FRS2: variants seen among roughly 807,000 people sequenced by gnomAD.
FRS2 encodes the protein fibroblast growth factor receptor substrate 2.
Under a neutral mutation model 43.9 loss-of-function variants are expected in FRS2, and 8 were observed. That is an observed-to-expected ratio of 0.18 (90% CI 0.11 to 0.33). The LOEUF is 0.33. FRS2 is among the 10% of genes least tolerant of loss of function. FRS2 has a pLI of 1.00. For missense variants in FRS2, 534 were observed against 627.6 expected (o/e 0.85, Z 1.59); for synonymous variants, 219 against 220.3 (o/e 0.99, Z 0.05).
intron 3 of FRS2, among the ~76,000 whole-genome samples, chr12:69,539,098 A>T (rs574858510): frequency 1.3e-5 from 2 of 152,250 alleles, no homozygotes; most frequent in East Asian, 3.9e-4. Context: ...GTTTTGAGAC[A>T]GAGTCTCACT....
At chr12:69,495,062 C>T (rs971999525) in intron 1 of FRS2, among the ~76,000 whole-genome samples, 5 of 152,168 alleles carry the variant, frequency 3.3e-5, no homozygotes, top group Non-Finnish European at 5.9e-5. Flanking sequence ...TGAACCACCT[C>T]GCCTGGCCGC....
At position 69,570,412 on chromosome 12, in the gene FRS2, C is replaced by T. The variant is rs746564330; in HGVS notation, c.148C>T (p.Arg50Cys). The change falls in exon 6 of 9, where the codon CGC becomes TGC. Residue 50 changes from arginine to cysteine, a missense_variant. By Grantham distance (180) the Arg-to-Cys change is radical (BLOSUM62 -3). This residue lies in a region of FRS2 where 76 missense variants were observed against 90.5 expected (regional missense o/e 0.84). Coordinates refer to ENST00000549921, the MANE Select transcript of FRS2 (RefSeq NM_001278356.2). ...AGACACAGAACTGATTTTATACACC[C>T]GCAAACGTGACTCAGTAAAATGGCA... Reference protein sequence around the residue: ...LTDTELILYTRKRDSVKWHYL... With the variant: ...LTDTELILYTCKRDSVKWHYL... The T allele has an allele frequency of 3.2e-5, 52 of 1,612,288 alleles. No individual in the cohort carries two copies. Among genetic ancestry groups the T allele is most frequent in the East Asian group, 1.3e-4 (6 of 44,884 alleles).
chr12:69,569,368 C>A (rs1035223254), intron 5 of FRS2, among the ~76,000 whole-genome samples: 3 of 152,104 alleles, frequency 2.0e-5, no homozygotes, highest in African/African-American at 7.2e-5. Context: ...CCTTTTCAAT[C>A]TCATCACTAT....
In FRS2 at chr12:69,511,182, T is replaced by C. The variant is rs10879000; in HGVS notation, c.-260-19683T>C. Among the ~76,000 whole-genome samples, 5,370 of 152,250 alleles carry C rather than the reference T, an allele frequency of 0.035. 446 individuals are homozygous for C. In the East Asian group the frequency reaches 0.38, roughly 11 times the overall value. On this transcript the variant is annotated intron_variant, in intron 1 of 8. Coordinates refer to ENST00000549921, the MANE Select transcript of FRS2 (RefSeq NM_001278356.2). ...TATTTGGCATCATTTGTCTTCTCAT[T>C]TGAGAACCTGCAGGATTTAATTCTC...
chr12:69,479,390 C>CTTTTTTTTTTTTTTT (rs57688271), intron 1 of FRS2, among the ~76,000 whole-genome samples: 7 of 119,658 alleles, frequency 5.9e-5, no homozygotes, highest in Non-Finnish European at 1.0e-4. Flanking sequence ...TCTGTTGTTT[C>CTTTTTTTTTTTTTTT]TTTTTTTTTT....
In FRS2 at chr12:69,576,120, C is replaced by G. The variant is rs185917958; in HGVS notation, c.*1165C>G. ...AAAAAAGGAAGCTACTTTTAACATG[C>G]AAAGTTCCCTCAAGGTGTACCGTGT... is the stretch of plus-strand genomic sequence containing the variant. On this transcript the variant is annotated 3_prime_UTR_variant, in exon 9 of 9. Coordinates refer to ENST00000549921, the MANE Select transcript of FRS2 (RefSeq NM_001278356.2). The G allele has an allele frequency of 1.3e-5, 2 of 152,612 alleles. No homozygotes were observed. Among genetic ancestry groups the G allele is most frequent in the East Asian group, 3.9e-4 (2 of 5,182 alleles). 9.5% of individuals were successfully genotyped at this position (152,612 alleles called of 1,614,324 possible).
At chr12:69,522,691 G>C (rs1356670878) in intron 1 of FRS2, among the ~76,000 whole-genome samples, 1 of 152,050 alleles carries the variant, frequency 6.6e-6, no homozygotes, top group Admixed American at 6.6e-5. Context: ...ATTTTAGGTT[G>C]TTTATTTAAG....
At chr12:69,532,778 T>A (rs1458075766) in intron 3 of FRS2, among the ~76,000 whole-genome samples, 1 of 152,212 alleles carries the variant, frequency 6.6e-6, no homozygotes, top group East Asian at 1.9e-4. Flanking sequence ...ATATCAGCAC[T>A]TAAGTATTTA....
intron 1 of FRS2, among the ~76,000 whole-genome samples, chr12:69,478,836 G>C (rs935409444): frequency 1.3e-5 from 2 of 151,602 alleles, no homozygotes; most frequent in African/African-American, 4.9e-5. Context: ...CACCTTTGAT[G>C]GCCGTTCATG....
intron 3 of FRS2, among the ~76,000 whole-genome samples, chr12:69,554,600 T>A (rs973129641): frequency 1.1e-4 from 16 of 152,248 alleles, no homozygotes; most frequent in African/African-American, 3.4e-4. Context: ...AAATTAATAC[T>A]AGTACAATAC....
chr12:69,552,990 T>C (rs1879030979), intron 3 of FRS2, among the ~76,000 whole-genome samples: 1 of 152,190 alleles, frequency 6.6e-6, no homozygotes, highest in African/African-American at 2.4e-5. Flanking sequence ...GAGTGACCCA[T>C]AAACAAATAA....
intron 3 of FRS2, among the ~76,000 whole-genome samples, chr12:69,560,970 G>A (rs1879827762): frequency 6.6e-6 from 1 of 152,158 alleles, no homozygotes; most frequent in South Asian, 2.1e-4. Flanking sequence ...GATAAGGGTT[G>A]CAGAATGCTT....
Position 69,508,159 on chromosome 12 carries a change from T to C in FRS2, c.-260-22706T>C, listed in dbSNP as rs1325078129. ...ATTTTTCTGTGAGGTAGCCTTTCAG[T>C]CTGTCCATTTGTATCATTTGACATT... On this transcript the variant is annotated intron_variant, in intron 1 of 8. Coordinates refer to ENST00000549921, the MANE Select transcript of FRS2 (RefSeq NM_001278356.2). 2.6e-5 allele frequency among the ~76,000 whole-genome samples: 4 copies of C among 152,192 alleles called. No homozygotes were observed. The South Asian group carries it at 8.3e-4, about 32-fold the overall frequency.
At chr12:69,559,952 T>G (rs1183805686) in intron 3 of FRS2, among the ~76,000 whole-genome samples, 1 of 152,148 alleles carries the variant, frequency 6.6e-6, no homozygotes, top group Non-Finnish European at 1.5e-5. Context: ...TTGAACAAAA[T>G]TACTGTAGTA....
intron 3 of FRS2, among the ~76,000 whole-genome samples, chr12:69,539,401 A>G (rs1051938810): frequency 8.5e-5 from 13 of 152,126 alleles, no homozygotes; most frequent in African/African-American, 1.9e-4. Flanking sequence ...TTGGATTTCA[A>G]AGTATTTGCA....
chr12:69,557,709 C>G (rs1269406273), intron 3 of FRS2: 1 of 151,452 alleles, frequency 6.6e-6, no homozygotes, highest in East Asian at 2.0e-4. Flanking sequence ...CAGAGTGACT[C>G]ATCTGCTGGA....
At chr12:69,471,765 A>C (rs1870317715) in intron 1 of FRS2, among the ~76,000 whole-genome samples, 1 of 152,258 alleles carries the variant, frequency 6.6e-6, no homozygotes, top group African/African-American at 2.4e-5. Context: ...CTGTTTTTGC[A>C]GCGTAAAGTA....
intron 1 of FRS2, among the ~76,000 whole-genome samples, chr12:69,527,409 C>T (rs1225222426): frequency 2.3e-5 from 3 of 130,902 alleles, no homozygotes; most frequent in African/African-American, 8.8e-5. Flanking sequence ...GACTCTAACT[C>T]GTGGGCTCAA....
At chr12:69,508,472 G>A (rs555310041) in intron 1 of FRS2, among the ~76,000 whole-genome samples, 2 of 152,082 alleles carry the variant, frequency 1.3e-5, no homozygotes, top group South Asian at 4.1e-4. Context: ...CACTATTACT[G>A]GAAGTCCTAA....
Sources: allele counts gnomAD v4.1 joint callset (sites outside exome capture counted in the v4.1 genomes callset), GRCh38; gene constraint gnomAD v4.1.1; regional missense constraint gnomAD v4.1.1; transcripts MANE v1.5; gene names NCBI Gene and HGNC (gene_info 2026-07-23, HGNC 2026-07-21).